NAALADL2: variants seen among roughly 807,000 people sequenced by gnomAD.
NAALADL2 encodes N-acetylated alpha-linked acidic dipeptidase like 2.
In NAALADL2, 76 loss-of-function variants were observed where a neutral mutation model predicts 87.2. The ratio of observed to expected loss-of-function variants is 0.87; its 90% CI spans 0.72 to 1.05. The LOEUF (loss-of-function observed/expected upper bound fraction) is 1.05. Ranked by LOEUF, NAALADL2 falls within the 50% of genes least tolerant of loss-of-function variation. The pLI is 0.00. For synonymous variants in NAALADL2, 354 were observed against 331.0 expected, an observed-to-expected ratio of 1.07 and a Z score of -0.75; for missense variants, 1,089 against 945.8, an observed-to-expected ratio of 1.15 and a Z score of -1.99.
chr3:174,968,680 A>G (rs1743203228), intron 1 of NAALADL2, among the ~76,000 whole-genome samples: 1 of 152,076 alleles, frequency 6.6e-6, no homozygotes, highest in African/African-American at 2.4e-5. Context: ...GGGTTTCACC[A>G]AGTTGACCAG....
chr3:175,159,871 C>G (rs1436647123), intron 2 of NAALADL2, among the ~76,000 whole-genome samples: 1 of 150,992 alleles, frequency 6.6e-6, no homozygotes, highest in African/African-American at 2.4e-5. Flanking sequence ...GAGTCTTGCT[C>G]TGTTGCCCAG....
At chr3:175,316,395 T>A (rs1272505600) in intron 4 of NAALADL2, among the ~76,000 whole-genome samples, 1 of 152,166 alleles carries the variant, frequency 6.6e-6, no homozygotes, top group Non-Finnish European at 1.5e-5. Flanking sequence ...ATAGTTTCTG[T>A]ACCCTGAGCA....
rs1272433474 is a variant in NAALADL2 at position 175,314,695 on chromosome 3, T to A, written c.940-9480T>A. On this transcript the variant is annotated intron_variant, in intron 4 of 13. Coordinates refer to ENST00000454872, the MANE Select transcript of NAALADL2 (RefSeq NM_207015.3). ...ATATATATATATATATATATATATA[T>A]ATATATATATATATATATATATATA... is the stretch of plus-strand genomic sequence containing the variant. Among the ~76,000 whole-genome samples, 84 of 71,638 alleles carry A rather than the reference T, an allele frequency of 1.2e-3. 5 individuals are homozygous for A. Among genetic ancestry groups the A allele is most frequent in the Middle Eastern group, 7.5e-3 (1 of 134 alleles). 47.0% of individuals were successfully genotyped at this position (71,638 alleles called of 152,430 possible).
intron 11 of NAALADL2, among the ~76,000 whole-genome samples, chr3:175,703,009 C>T (rs900695497): frequency 4.6e-5 from 7 of 151,970 alleles, no homozygotes; most frequent in Non-Finnish European, 4.4e-5. Context: ...ATGTAATTTC[C>T]TTACTGTGTT....
intron 5 of NAALADL2, among the ~76,000 whole-genome samples, chr3:175,386,511 C>A (rs562849392): frequency 6.7e-6 from 1 of 150,000 alleles, no homozygotes; most frequent in East Asian, 1.9e-4. Flanking sequence ...TTTTTTTCCC[C>A]TCTCCCTCTC....
chr3:175,732,731 G>T (rs1743943219), intron 11 of NAALADL2, among the ~76,000 whole-genome samples: 1 of 152,112 alleles, frequency 6.6e-6, no homozygotes, highest in Non-Finnish European at 1.5e-5. Context: ...TATTTTGCAG[G>T]ATACTTTTTC....
chr3:174,820,769 G>A (rs1721331139), intron 3 of NAALADL2, among the ~76,000 whole-genome samples: 1 of 152,078 alleles, frequency 6.6e-6, no homozygotes, highest in Non-Finnish European at 1.5e-5. Context: ...TGGTGTACCA[G>A]TCAGTTAATT....
chr3:174,941,614 T>C (rs1738603020), intron 1 of NAALADL2, among the ~76,000 whole-genome samples: 1 of 152,110 alleles, frequency 6.6e-6, no homozygotes, highest in African/African-American at 2.4e-5. Context: ...TTTCTTATCA[T>C]TATTTTGTGG....
chr3:175,107,575 G>C (rs1723421933), intron 2 of NAALADL2, among the ~76,000 whole-genome samples: 1 of 151,340 alleles, frequency 6.6e-6, no homozygotes, highest in Non-Finnish European at 1.5e-5. Flanking sequence ...TTTCTCAGGA[G>C]AACCCTGTTT....
At position 175,613,419 on chromosome 3, in the gene NAALADL2, A is replaced by G. The variant is rs76026199; in HGVS notation, c.1801-13872A>G. On this transcript the variant is annotated intron_variant, in intron 10 of 13. Coordinates refer to ENST00000454872, the MANE Select transcript of NAALADL2 (RefSeq NM_207015.3). ...ATTACTGAAGAATGGGCAAGCGAAG[A>G]TTTTAAATTACAACATTATGCATCG... Among the ~76,000 whole-genome samples, 73 of 152,364 alleles carry G rather than the reference A, an allele frequency of 4.8e-4. 1 individual carries two copies. Among genetic ancestry groups the G allele is most frequent in the East Asian group, 4.2e-3 (22 of 5,190 alleles).
intron 2 of NAALADL2, among the ~76,000 whole-genome samples, chr3:174,577,468 A>G (rs929883245): frequency 2.6e-5 from 4 of 152,146 alleles, no homozygotes; most frequent in South Asian, 2.1e-4. Context: ...TTGCCACCCA[A>G]TGATGCATAG....
At chr3:175,147,247 C>T (rs973871057) in intron 2 of NAALADL2, among the ~76,000 whole-genome samples, 4 of 151,996 alleles carry the variant, frequency 2.6e-5, no homozygotes, top group African/African-American at 9.7e-5. Flanking sequence ...TCCTTTGCTC[C>T]CCGTTCTAGC....
At chr3:174,758,656 G>A (rs573494638) in intron 3 of NAALADL2, among the ~76,000 whole-genome samples, 19 of 152,286 alleles carry the variant, frequency 1.2e-4, no homozygotes, top group Non-Finnish European at 2.2e-4. Context: ...ACAATCGACT[G>A]TGGGGTAGCA....
At chr3:175,377,269 GC>G (rs1276981453) in intron 5 of NAALADL2, among the ~76,000 whole-genome samples, 3 of 152,246 alleles carry the variant, frequency 2.0e-5, no homozygotes, top group Admixed American at 6.5e-5. Flanking sequence ...CTAAGATCGT[GC>G]CACTGAACTC....
intron 3 of NAALADL2, among the ~76,000 whole-genome samples, chr3:174,851,070 A>G (rs1445424678): frequency 1.3e-5 from 2 of 152,108 alleles, no homozygotes; most frequent in Non-Finnish European, 2.9e-5. Context: ...ACAAATGAAA[A>G]TGGACACGCA....
At chr3:175,013,283 A>ATTTTTT (rs1560476095) in intron 1 of NAALADL2, among the ~76,000 whole-genome samples, 2 of 83,116 alleles carry the variant, frequency 2.4e-5, no homozygotes, top group African/African-American at 1.3e-4. Flanking sequence ...ATATACATAT[A>ATTTTTT]TATATATATA....
At chr3:175,198,335 AT>A (rs912445125) in intron 2 of NAALADL2, among the ~76,000 whole-genome samples, 4 of 151,972 alleles carry the variant, frequency 2.6e-5, no homozygotes, top group Non-Finnish European at 5.9e-5. Context: ...TTAAAAGTCC[AT>A]TTTTTCTATT....
chr3:174,645,720 T>C (rs1361598178), intron 2 of NAALADL2, among the ~76,000 whole-genome samples: 2 of 152,218 alleles, frequency 1.3e-5, no homozygotes. Context: ...AATATGTGTA[T>C]TTTCCAATAT....
chr3:175,337,261 G>A lies in NAALADL2; in HGVS notation c.1090+12936G>A, dbSNP rs962018940. ...GGTATTAGGTCTAGGTGGTATGGTGGTCCTATTTAGAGTCAGACTAAGATT... is the reference window on the plus strand; with the variant it reads ...GGTATTAGGTCTAGGTGGTATGGTGATCCTATTTAGAGTCAGACTAAGATT... On this transcript the variant is annotated intron_variant, in intron 5 of 13. Coordinates refer to ENST00000454872, the MANE Select transcript of NAALADL2 (RefSeq NM_207015.3). Among the ~76,000 whole-genome samples, 9 of 151,256 alleles carry A rather than the reference G, an allele frequency of 6.0e-5. 1 individual carries two copies. Among genetic ancestry groups the A allele is most frequent in the Admixed American group, 2.0e-4 (3 of 15,224 alleles).
Sources: allele counts gnomAD v4.1 joint callset (sites outside exome capture counted in the v4.1 genomes callset), GRCh38; gene constraint gnomAD v4.1.1; transcripts MANE v1.5; gene names NCBI Gene and HGNC (gene_info 2026-07-23, HGNC 2026-07-21).